NCKAP5: variants seen among roughly 807,000 people sequenced by gnomAD.
NCKAP5 encodes NCK associated protein 5.
A neutral mutation model predicts 167.0 loss-of-function variants in NCKAP5; 92 were observed. The observed-to-expected ratio is 0.55, with a 90% CI of 0.47 to 0.66. NCKAP5 has a LOEUF of 0.66. Among genes scored for constraint, NCKAP5 ranks in the 30% least tolerant of loss-of-function variants. The pLI is 0.00. For synonymous variants in NCKAP5, 891 were observed against 877.4 expected (o/e 1.02, Z -0.27); for missense variants, 2,378 against 2,315.0 (o/e 1.03, Z -0.56).
At position 132,740,041 on chromosome 2, in the gene NCKAP5, C is replaced by T. The variant is rs573355480; in HGVS notation, c.5129-7990G>A. Among the ~76,000 whole-genome samples, 21 of 152,200 alleles carry T rather than the reference C, an allele frequency of 1.4e-4. 1 individual carries two copies. The South Asian group carries it at 3.9e-3, about 29-fold the overall frequency. ...AAAGCTTATACTTCCTTCTGTGCAACGATCTACCCACTTACAGATCCAAAC... is the reference window on the plus strand; with the variant it reads ...AAAGCTTATACTTCCTTCTGTGCAATGATCTACCCACTTACAGATCCAAAC... On this transcript the variant is annotated intron_variant, in intron 16 of 19. Transcript: ENST00000409261.
At chr2:132,684,579 C>T (rs902102530) in intron 19 of NCKAP5, among the ~76,000 whole-genome samples, 32 of 152,138 alleles carry the variant, frequency 2.1e-4, no homozygotes, top group African/African-American at 7.7e-4. Flanking sequence ...GCAAAAATAA[C>T]CCAACGTAAC....
At chr2:132,990,783 C>T (rs1272653956) in intron 7 of NCKAP5, among the ~76,000 whole-genome samples, 1 of 152,186 alleles carries the variant, frequency 6.6e-6, no homozygotes, top group Non-Finnish European at 1.5e-5. Context: ...AGAAAGAATG[C>T]AGCCTGACCA....
At position 133,389,270 on chromosome 2, in the gene NCKAP5, G is replaced by A. The variant is rs575617114; in HGVS notation, c.70-86160C>T. On this transcript the variant is annotated intron_variant, in intron 3 of 19. Transcript: ENST00000409261. ...CACCTGCATACACTTGCAAAATGGC[G>A]TCTTCTTGAAAGATGTATATATCCT... Among the ~76,000 whole-genome samples, 181 of 152,316 alleles carry A rather than the reference G, an allele frequency of 1.2e-3. 2 individuals are homozygous for A. The highest frequency in any genetic ancestry group is 3.9e-3 in the African/African-American group (162 of 41,564).
Position 132,888,712 on chromosome 2 carries a change from G to A in NCKAP5, c.580-9796C>T, listed in dbSNP as rs529448046. On this transcript the variant is annotated intron_variant, in intron 8 of 19. Coordinates refer to ENST00000409261, the MANE Select transcript of NCKAP5 (RefSeq NM_207363.3). ...TGCCCAGTGTGTATATTTTCAAAAT[G>A]AAAGATGAATATACACCATCTGACA... is the stretch of plus-strand genomic sequence containing the variant. Among the ~76,000 whole-genome samples the A allele has an allele frequency of 2.0e-5, 3 of 152,300 alleles. No individual in the cohort carries two copies. The East Asian group carries it at 5.8e-4, about 29-fold the overall frequency.
chr2:133,129,992 C>T lies in NCKAP5; in HGVS notation c.327G>A (p.Gln109=). The part of the protein sequence containing the change: ...ERNRIQMRSL[Q]QQFSRMEETV... ...AAGAACAATACCTGGAGAACTGCTG[C>T]TGCAAGCTACGCATCTGAATTCTGT... Residue 109 remains glutamine (Q), a synonymous_variant, in exon 6 of 20, where the codon CAG becomes CAA. Transcript: ENST00000409261. 1 of 1,606,698 alleles carries T rather than the reference C, an allele frequency of 6.2e-7. No homozygotes were observed. Among genetic ancestry groups the T allele is most frequent in the Non-Finnish European group, 8.5e-7 (1 of 1,177,718 alleles).
At chr2:133,008,810 G>C (rs1224075627) in intron 6 of NCKAP5, among the ~76,000 whole-genome samples, 1 of 152,106 alleles carries the variant, frequency 6.6e-6, no homozygotes, top group Non-Finnish European at 1.5e-5. Context: ...AAACAAAAAT[G>C]AACCCTGAGA....
At chr2:132,920,685 G>A (rs1695261804) in intron 8 of NCKAP5, among the ~76,000 whole-genome samples, 1 of 90,648 alleles carries the variant, frequency 1.1e-5, no homozygotes, top group Admixed American at 1.6e-4. Flanking sequence ...ATATAAGTTA[G>A]TTTATATATA....
chr2:133,642,819 T>C, the NCKAP5 span, among the ~76,000 whole-genome samples: 2 of 152,230 alleles, frequency 1.3e-5, no homozygotes, highest in African/African-American at 4.8e-5. Flanking sequence ...TAGCAGTAAA[T>C]AAATGTTATG....
intron 3 of NCKAP5, among the ~76,000 whole-genome samples, chr2:133,407,512 A>T (rs1330410329): frequency 2.0e-5 from 3 of 152,166 alleles, no homozygotes; most frequent in Non-Finnish European, 2.9e-5. Context: ...AAGGCAAGGA[A>T]TCCATTTTTG....
intron 3 of NCKAP5, among the ~76,000 whole-genome samples, chr2:133,398,275 C>T (rs746334049): frequency 2.0e-5 from 3 of 152,172 alleles, no homozygotes; most frequent in African/African-American, 4.8e-5. Flanking sequence ...AGACATCTGT[C>T]ACACTGCTAT....
intron 3 of NCKAP5, among the ~76,000 whole-genome samples, chr2:133,459,575 T>G (rs76885759): frequency 0.033 from 5,009 of 152,230 alleles, 122 homozygotes; most frequent in Admixed American, 0.08. Flanking sequence ...GAATACCACA[T>G]GAAGGATTTA....
intron 2 of NCKAP5, among the ~76,000 whole-genome samples, chr2:133,524,805 T>C (rs958613162): frequency 6.6e-6 from 1 of 152,228 alleles, no homozygotes; most frequent in African/African-American, 2.4e-5. Context: ...TTGGAAGATA[T>C]ATCAGCTCAA....
At chr2:133,157,006 A>G (rs2083600498) in intron 5 of NCKAP5, among the ~76,000 whole-genome samples, 2 of 152,142 alleles carry the variant, frequency 1.3e-5, no homozygotes, top group Non-Finnish European at 2.9e-5. Flanking sequence ...CATACTGTGT[A>G]TGTCCCTTGC....
intron 19 of NCKAP5, among the ~76,000 whole-genome samples, chr2:132,680,733 G>A (rs868196644): frequency 3.3e-5 from 5 of 152,196 alleles, no homozygotes; most frequent in Middle Eastern, 3.4e-3. Context: ...CCCTTAGTAG[G>A]AAGATAAAGT....
intron 6 of NCKAP5, among the ~76,000 whole-genome samples, chr2:133,035,102 C>G (rs905639137): frequency 6.6e-6 from 1 of 151,902 alleles, no homozygotes; most frequent in Non-Finnish European, 1.5e-5. Context: ...CAAAAAAGAG[C>G]AGGAGTTGCT....
At chr2:132,806,608 G>T (rs552192369) in intron 11 of NCKAP5, among the ~76,000 whole-genome samples, 130 of 152,144 alleles carry the variant, frequency 8.5e-4, no homozygotes, top group African/African-American at 3.0e-3. Flanking sequence ...CCCACTTTTT[G>T]ATGGGATTGT....
chr2:133,438,428 C>A (rs569803399), intron 3 of NCKAP5, among the ~76,000 whole-genome samples: 1 of 152,180 alleles, frequency 6.6e-6, no homozygotes, highest in East Asian at 1.9e-4. Context: ...TGTAACACAT[C>A]GTATCATCAG....
At chr2:133,488,433 T>C (rs1681109903) in intron 3 of NCKAP5, among the ~76,000 whole-genome samples, 1 of 152,200 alleles carries the variant, frequency 6.6e-6, no homozygotes, top group South Asian at 2.1e-4. Context: ...GTAGACCAAT[T>C]AGTGAGTAAA....
intron 3 of NCKAP5, among the ~76,000 whole-genome samples, chr2:133,374,958 T>C (rs1441607019): frequency 6.6e-6 from 1 of 152,156 alleles, no homozygotes; most frequent in Non-Finnish European, 1.5e-5. Context: ...CCACTGAGTA[T>C]AGAACCCAAA....
Sources: gnomAD v4.1 joint callset for allele counts (sites outside exome capture counted in the v4.1 genomes callset) on GRCh38, gnomAD v4.1.1 for gene constraint, MANE v1.5 for transcripts, NCBI Gene and HGNC (gene_info 2026-07-23, HGNC 2026-07-21) for gene names.